MYRFL: variants seen among roughly 807,000 people sequenced by gnomAD.
MYRFL encodes myelin regulatory factor-like protein.
MYRFL carries 88 observed loss-of-function variants against 109.4 expected under a neutral mutation model. That is an observed-to-expected ratio of 0.80 (90% CI 0.68 to 0.96). The LOEUF is 0.96. MYRFL is among the 40% of genes least tolerant of loss of function. The pLI is 0.00. For missense variants in MYRFL, 957 were observed against 954.9 expected (o/e 1.00, Z -0.03); for synonymous variants, 324 against 320.9 (o/e 1.01, Z -0.10).
chr12:69,915,311 A>G lies in MYRFL; in HGVS notation c.1602+4381A>G, dbSNP rs139765901. 9.6e-3 allele frequency among the ~76,000 whole-genome samples: 1,467 copies of G among 152,300 alleles called. 29 individuals carry two copies. The highest frequency in any genetic ancestry group is 0.033 in the African/African-American group (1,385 of 41,558). On this transcript the variant is annotated intron_variant, in intron 13 of 24. Transcript: ENST00000552032. ...TGTGCTGTAATAAGTGGAGGAGGTCATATGAAGGTACAGCCTCTCCATTCT... is the reference window on the plus strand; with the variant it reads ...TGTGCTGTAATAAGTGGAGGAGGTCGTATGAAGGTACAGCCTCTCCATTCT...
intron 19 of MYRFL, among the ~76,000 whole-genome samples, chr12:69,949,854 A>G (rs1955933952): frequency 6.6e-6 from 1 of 152,076 alleles, no homozygotes; most frequent in South Asian, 2.1e-4. Context: ...CTGGAATTAG[A>G]TGGTTTGAAT....
rs148180107 is a variant in MYRFL, at chr12:69,835,922, T to G, written c.46+10359T>G. Among the ~76,000 whole-genome samples, 518 of 152,356 alleles carry G rather than the reference T, an allele frequency of 3.4e-3. 2 individuals carry two copies. The highest frequency in any genetic ancestry group is 5.5e-3 in the Non-Finnish European group (376 of 68,032). ...GTGTTACAGTGTGCTCTTTTAGTTT[T>G]GCCGTCTATAGGCTTGTGTTAACCA... On this transcript the variant is annotated intron_variant, in intron 1 of 24. Coordinates refer to ENST00000552032, the MANE Select transcript of MYRFL (RefSeq NM_182530.3).
chr12:69,916,628 C>T (rs1163108160), intron 13 of MYRFL, among the ~76,000 whole-genome samples: 4 of 152,062 alleles, frequency 2.6e-5, no homozygotes, highest in Admixed American at 6.6e-5. Context: ...CAAAGCAAAA[C>T]GAATCTCTGA....
At chr12:69,939,635 C>T (rs1955580536) in intron 19 of MYRFL, among the ~76,000 whole-genome samples, 1 of 152,152 alleles carries the variant, frequency 6.6e-6, no homozygotes, top group South Asian at 2.1e-4. Context: ...AATCAGAGCG[C>T]CTCTCCTCCT....
intron 2 of MYRFL, among the ~76,000 whole-genome samples, chr12:69,863,428 G>A (rs1389687097): frequency 2.6e-5 from 4 of 152,138 alleles, no homozygotes; most frequent in Non-Finnish European, 5.9e-5. Flanking sequence ...CAATTTCAGA[G>A]CCTGTTATTG....
intron 16 of MYRFL, among the ~76,000 whole-genome samples, chr12:69,935,600 G>A (rs574365376): frequency 5.3e-5 from 8 of 152,294 alleles, no homozygotes; most frequent in African/African-American, 1.4e-4. Flanking sequence ...CCTGTTCAGC[G>A]TATTGTGCTC....
chr12:69,873,276 A>G (rs1885462709), intron 2 of MYRFL, among the ~76,000 whole-genome samples: 1 of 152,146 alleles, frequency 6.6e-6, no homozygotes, highest in Non-Finnish European at 1.5e-5. Context: ...AAAAAATCTC[A>G]TAACGTTTTT....
intron 6 of MYRFL, among the ~76,000 whole-genome samples, chr12:69,890,255 CTT>C (rs937144143): frequency 1.4e-5 from 2 of 147,040 alleles, no homozygotes; most frequent in Non-Finnish European, 3.1e-5. Context: ...AATTTTGAGA[CTT>C]TTTTTTCCTA....
chr12:69,872,880 C>G (rs1443662823), intron 2 of MYRFL, among the ~76,000 whole-genome samples: 1 of 152,130 alleles, frequency 6.6e-6, no homozygotes, highest in Non-Finnish European at 1.5e-5. Context: ...AATCCTCCTG[C>G]CTCAGCGTCC....
chr12:69,919,393 G>A (rs10879055), intron 13 of MYRFL, among the ~76,000 whole-genome samples: 33,916 of 152,082 alleles, frequency 0.22, 4,796 homozygotes, highest in African/African-American at 0.4. Flanking sequence ...GCAAACAAAG[G>A]GCAACAATAT....
At chr12:69,899,258 C>A (rs1283377958) in intron 10 of MYRFL, among the ~76,000 whole-genome samples, 1 of 152,164 alleles carries the variant, frequency 6.6e-6, no homozygotes, top group Non-Finnish European at 1.5e-5. Flanking sequence ...TTCATTCAAA[C>A]TCTGAAACAC....
chr12:69,858,960 C>T (rs1247628636), intron 2 of MYRFL, among the ~76,000 whole-genome samples: 1 of 151,834 alleles, frequency 6.6e-6, no homozygotes, highest in African/African-American at 2.4e-5. Context: ...ACTTTGTTTT[C>T]TGATTTAAGC....
At chr12:69,949,244 TAAA>T (rs11301848) in intron 19 of MYRFL, among the ~76,000 whole-genome samples, 5 of 145,372 alleles carry the variant, frequency 3.4e-5, no homozygotes, top group South Asian at 2.2e-4. Context: ...ATCTGCAAAT[TAAA>T]AAAAAAAAAA....
chr12:69,857,983 T>C (rs1335598768), intron 2 of MYRFL, among the ~76,000 whole-genome samples: 1 of 151,870 alleles, frequency 6.6e-6, no homozygotes, highest in Non-Finnish European at 1.5e-5. Flanking sequence ...TTAAGTGTAA[T>C]GTTAGTGATA....
At chr12:69,942,337 A>G (rs1382737089) in intron 19 of MYRFL, among the ~76,000 whole-genome samples, 16 of 135,300 alleles carry the variant, frequency 1.2e-4, no homozygotes, top group Non-Finnish European at 6.3e-5. Context: ...CTTATCCACC[A>G]TGATCAAGTG....
At chr12:69,896,120 A>G (rs1752495926) in intron 9 of MYRFL, among the ~76,000 whole-genome samples, 1 of 152,272 alleles carries the variant, frequency 6.6e-6, no homozygotes, top group South Asian at 2.1e-4. Context: ...ATTGAATTTG[A>G]CTATTTGATA....
intron 10 of MYRFL, among the ~76,000 whole-genome samples, chr12:69,900,502 A>G (rs1354103882): frequency 6.6e-6 from 1 of 152,206 alleles, no homozygotes; most frequent in Non-Finnish European, 1.5e-5. Flanking sequence ...TCAGTAGGTC[A>G]GGGATGCCTG....
chr12:69,892,042 A>G (rs569074729), intron 7 of MYRFL, among the ~76,000 whole-genome samples: 1 of 152,294 alleles, frequency 6.6e-6, no homozygotes, highest in South Asian at 2.1e-4. Flanking sequence ...ATAGTTTTAT[A>G]GTTTTCAGTG....
In MYRFL at chr12:69,947,235, A is replaced by C. The variant is rs7131983; in HGVS notation, c.2225-4878A>C. ...AAAACTTAGAAAAGCTCTCAGTGGG[A>C]TGCAGAGTAATATCTAACAGTTTAC... On this transcript the variant is annotated intron_variant, in intron 19 of 24. Transcript: ENST00000552032. 3.9e-5 allele frequency among the ~76,000 whole-genome samples: 6 copies of C among 152,316 alleles called. No individual in the cohort carries two copies. In the East Asian group the frequency reaches 1.2e-3, roughly 29 times the overall value.
Sources: gnomAD v4.1 joint callset for allele counts (sites outside exome capture counted in the v4.1 genomes callset) on GRCh38, gnomAD v4.1.1 for gene constraint, MANE v1.5 for transcripts, NCBI Gene and HGNC (gene_info 2026-07-23, HGNC 2026-07-21) for gene names.